Variants in RGS6 observed in about 807,000 individuals in gnomAD.
RGS6 encodes the protein regulator of G protein signaling 6, also known as regulator of G-protein signaling 6.
RGS6 carries 30 observed loss-of-function variants against 78.5 expected under a neutral mutation model. The observed-to-expected ratio is 0.38, with a 90% CI of 0.29 to 0.52. RGS6 has a LOEUF of 0.52. Among genes scored for constraint, RGS6 ranks in the 20% least tolerant of loss-of-function variants. RGS6 has a pLI of 0.85. For synonymous variants in RGS6, 206 were observed against 206.0 expected (o/e 1.00, Z 0.00); for missense variants, 495 against 609.7 (o/e 0.81, Z 1.98).
intron 2 of RGS6, among the ~76,000 whole-genome samples, chr14:72,037,230 G>C (rs2091838853): frequency 6.6e-6 from 1 of 152,176 alleles, no homozygotes; most frequent in African/African-American, 2.4e-5. Context: ...GGGAATAAAA[G>C]CTGGCCACCC....
At chr14:71,928,173 T>C (rs946842858), upstream of RGS6, among the ~76,000 whole-genome samples, 2 of 152,172 alleles carry the variant, frequency 1.3e-5, no homozygotes, top group African/African-American at 4.8e-5. Flanking sequence ...AGACTCTTTA[T>C]TGCTAAGTTT....
intron 2 of RGS6, among the ~76,000 whole-genome samples, chr14:72,046,215 T>C (rs1368146519): frequency 1.3e-5 from 2 of 151,780 alleles, no homozygotes; most frequent in Non-Finnish European, 2.9e-5. Context: ...TTTTTTTTTT[T>C]TTTTTTTTAA....
intron 13 of RGS6, among the ~76,000 whole-genome samples, chr14:72,503,842 G>A (rs1333987538): frequency 1.3e-5 from 2 of 152,166 alleles, no homozygotes; most frequent in Non-Finnish European, 2.9e-5. Context: ...CAGCTTGGTG[G>A]GATGGCCCTA....
chr14:72,352,226 G>C, intron 3 of RGS6, 32 bp downstream of exon 3: 1 of 1,521,932 alleles, frequency 6.6e-7, no homozygotes, highest in Non-Finnish European at 9.1e-7. Flanking sequence ...GTTGGTAACA[G>C]TCAGAACTAC....
At chr14:72,456,415 G>A (rs187426126) in intron 4 of RGS6, among the ~76,000 whole-genome samples, 512 of 152,266 alleles carry the variant, frequency 3.4e-3, no homozygotes, top group Non-Finnish European at 5.1e-3. Flanking sequence ...TCAGTCTCCC[G>A]AGTAGCTGGG....
At chr14:72,618,053 G>A in the RGS6 span, among the ~76,000 whole-genome samples, 73,859 of 151,820 alleles carry the variant, frequency 0.49, 18,791 homozygotes, top group East Asian at 0.94. Context: ...CTTTCTTCTA[G>A]ACACATTTTT....
intron 3 of RGS6, among the ~76,000 whole-genome samples, chr14:72,416,933 G>A (rs2093855253): frequency 6.6e-6 from 1 of 152,186 alleles, no homozygotes; most frequent in Admixed American, 6.5e-5. Context: ...CAGGTTGATT[G>A]GTGTGTATAA....
intron 15 of RGS6, among the ~76,000 whole-genome samples, chr14:72,530,903 C>T (rs1490173174): frequency 1.3e-5 from 2 of 152,194 alleles, no homozygotes; most frequent in Admixed American, 6.5e-5. Flanking sequence ...AGTAAACTTG[C>T]TGAACATTAA....
chr14:71,985,271 G>A (rs1442563758), intron 2 of RGS6, among the ~76,000 whole-genome samples: 1 of 152,104 alleles, frequency 6.6e-6, no homozygotes, highest in Non-Finnish European at 1.5e-5. Context: ...CTACAGGCAT[G>A]TGCCACCATG....
intron 2 of RGS6, among the ~76,000 whole-genome samples, chr14:72,331,264 A>AAAATGAGCT (rs1426406794): frequency 6.6e-6 from 1 of 152,080 alleles, no homozygotes; most frequent in African/African-American, 2.4e-5. Flanking sequence ...AAAAAAAAAA[A>AAAATGAGCT]AATGAGCTAT....
the RGS6 span, among the ~76,000 whole-genome samples, chr14:71,919,874 AT>A: frequency 6.6e-6 from 1 of 152,080 alleles, no homozygotes; most frequent in Non-Finnish European, 1.5e-5. Flanking sequence ...TGTGCCTGTA[AT>A]CCCAGCTACT....
intron 2 of RGS6, among the ~76,000 whole-genome samples, chr14:72,255,963 T>G (rs1479112531): frequency 6.6e-6 from 1 of 152,218 alleles, no homozygotes; most frequent in Non-Finnish European, 1.5e-5. Flanking sequence ...ACGTGCAACT[T>G]CTTTGAACGC....
At chr14:72,433,278 G>C (rs1014266520) in intron 3 of RGS6, among the ~76,000 whole-genome samples, 5 of 150,842 alleles carry the variant, frequency 3.3e-5, no homozygotes, top group African/African-American at 1.2e-4. Context: ...CTGTTTCTTG[G>C]TTTGGTAAGA....
chr14:72,624,930 G>A, the RGS6 span, among the ~76,000 whole-genome samples: 2 of 152,284 alleles, frequency 1.3e-5, no homozygotes, highest in African/African-American at 2.4e-5. Context: ...AGGCCAGTAC[G>A]TCTTATTACT....
intron 2 of RGS6, among the ~76,000 whole-genome samples, chr14:72,294,861 G>C (rs2152353085): frequency 6.6e-6 from 1 of 152,204 alleles, no homozygotes; most frequent in South Asian, 2.1e-4. Context: ...CTCCAACATG[G>C]GGGATTACAA....
chr14:72,449,712 G>T (rs1373119164), intron 3 of RGS6, among the ~76,000 whole-genome samples: 5 of 152,200 alleles, frequency 3.3e-5, no homozygotes, highest in African/African-American at 1.2e-4. Flanking sequence ...CCGGACTCTG[G>T]GTGGACAGCC....
intron 3 of RGS6, among the ~76,000 whole-genome samples, chr14:72,424,027 T>C (rs1407575286): frequency 6.6e-6 from 1 of 152,188 alleles, no homozygotes; most frequent in Admixed American, 6.5e-5. Flanking sequence ...GTGGTGGCAT[T>C]TCCTCAGAGG....
At chr14:72,322,909 C>T (rs1023455318) in intron 2 of RGS6, among the ~76,000 whole-genome samples, 5 of 151,906 alleles carry the variant, frequency 3.3e-5, no homozygotes, top group African/African-American at 1.2e-4. Context: ...CATACATATA[C>T]CAATACATAC....
chr14:72,256,204 G>T (rs78824696), intron 2 of RGS6, among the ~76,000 whole-genome samples: 4,629 of 152,254 alleles, frequency 0.03, 86 homozygotes, highest in African/African-American at 0.052. Flanking sequence ...CATGCAGGGG[G>T]CTAGGGAATA....
Sources: allele counts gnomAD v4.1 joint callset (sites outside exome capture counted in the v4.1 genomes callset), GRCh38; gene constraint gnomAD v4.1.1; transcripts MANE v1.5; gene names NCBI Gene and HGNC (gene_info 2026-07-23, HGNC 2026-07-21).